Variants in MREG observed in about 807,000 individuals in gnomAD.
The protein encoded by MREG is melanoregulin, also known as dilute suppressor protein homolog.
MREG carries 31 observed loss-of-function variants against 28.5 expected under a neutral mutation model. The ratio of observed to expected loss-of-function variants is 1.09; its 90% CI spans 0.82 to 1.47. MREG has a LOEUF of 1.47. Ranked by LOEUF, MREG falls within the 40% of genes most tolerant of loss-of-function variation. The pLI, the probability that MREG is intolerant of heterozygous loss-of-function variation, is 0.00. For synonymous variants in MREG, 106 were observed against 95.2 expected, an observed-to-expected ratio of 1.11 and a Z score of -0.66; for missense variants, 256 against 257.4, an observed-to-expected ratio of 0.99 and a Z score of 0.04.
At chr2:216,001,131 C>G (rs1012158607) in intron 1 of MREG, among the ~76,000 whole-genome samples, 19 of 152,084 alleles carry the variant, frequency 1.2e-4, no homozygotes, top group Non-Finnish European at 2.4e-4. Flanking sequence ...CTCTCTTTTT[C>G]TCGCTTATCA....
At position 215,979,022 on chromosome 2, in the gene MREG, A is replaced by G. The variant is rs59062140; in HGVS notation, c.255+17284T>C. Among the ~76,000 whole-genome samples the G allele has an allele frequency of 2.6e-4, 39 of 152,350 alleles. No homozygotes were observed. The East Asian group carries it at 7.1e-3, about 28-fold the overall frequency. Reference sequence around the variant, plus strand: ...CGGGTAGAATTTGAGCTTCTGTTAAAGCATGCCCTGTGTATGACAATAGCC... The same window carrying G: ...CGGGTAGAATTTGAGCTTCTGTTAAGGCATGCCCTGTGTATGACAATAGCC... On this transcript the variant is annotated intron_variant, in intron 2 of 4. Coordinates refer to ENST00000263268, the MANE Select transcript of MREG (RefSeq NM_018000.3).
chr2:215,946,002 T>A (rs1489333325), intron 3 of MREG, among the ~76,000 whole-genome samples: 1 of 152,050 alleles, frequency 6.6e-6, no homozygotes, highest in Non-Finnish European at 1.5e-5. Context: ...ACTGGTTGCT[T>A]GCCACCTTGT....
At chr2:215,954,138 G>C (rs1349889839) in intron 2 of MREG, among the ~76,000 whole-genome samples, 5 of 152,160 alleles carry the variant, frequency 3.3e-5, no homozygotes, top group Admixed American at 3.3e-4. Context: ...CTATAACAAA[G>C]GAAAGAGGTG....
chr2:215,958,065 A>G (rs1172093234), intron 2 of MREG, among the ~76,000 whole-genome samples: 2 of 142,074 alleles, frequency 1.4e-5, no homozygotes, highest in East Asian at 2.3e-4. Flanking sequence ...ATGAGAACAC[A>G]TGGACACAGG....
At chr2:215,980,735 C>G (rs1693402857) in intron 2 of MREG, among the ~76,000 whole-genome samples, 1 of 152,028 alleles carries the variant, frequency 6.6e-6, no homozygotes, top group African/African-American at 2.4e-5. Flanking sequence ...TCACTTGAAC[C>G]CAGGAGGTGG....
intron 2 of MREG, among the ~76,000 whole-genome samples, chr2:215,976,203 G>A (rs572870159): frequency 1.3e-5 from 2 of 151,972 alleles, no homozygotes; most frequent in East Asian, 1.9e-4. Flanking sequence ...TGTTTCACTC[G>A]GACTACAATT....
chr2:215,956,428 C>T (rs1692629888), intron 2 of MREG, among the ~76,000 whole-genome samples: 2 of 151,986 alleles, frequency 1.3e-5, no homozygotes, highest in South Asian at 4.2e-4. Context: ...CCTTTAAATC[C>T]TTTTTGGGTT....
intron 1 of MREG, among the ~76,000 whole-genome samples, chr2:216,027,848 G>A (rs574506224): frequency 1.3e-5 from 2 of 148,810 alleles, no homozygotes; most frequent in East Asian, 4.0e-4. Flanking sequence ...GTGATAAAAA[G>A]TCATTCACAA....
intron 2 of MREG, among the ~76,000 whole-genome samples, chr2:215,985,974 A>G (rs1255514499): frequency 6.6e-6 from 1 of 152,182 alleles, no homozygotes; most frequent in East Asian, 1.9e-4. Flanking sequence ...AAAATAAGCA[A>G]TAGTAGTAAA....
intron 2 of MREG, among the ~76,000 whole-genome samples, chr2:215,982,455 C>A (rs531027510): frequency 6.6e-6 from 1 of 152,236 alleles, no homozygotes; most frequent in East Asian, 1.9e-4. Flanking sequence ...ACATCACAGA[C>A]CGATGAACAG....
intron 2 of MREG, among the ~76,000 whole-genome samples, 163 bp from the exon 3 acceptor site, chr2:215,947,276 A>G (rs1419946878): frequency 6.6e-6 from 1 of 152,256 alleles, no homozygotes; most frequent in Admixed American, 6.5e-5. Flanking sequence ...GTTGATAGGA[A>G]TACTATCAGC....
Position 216,010,020 on chromosome 2 carries a change from A to T in MREG, c.95+3213T>A, listed in dbSNP as rs187475095. Among the ~76,000 whole-genome samples, 3 of 152,240 alleles carry T rather than the reference A, an allele frequency of 2.0e-5. No individual in the cohort carries two copies. The East Asian group carries it at 5.8e-4, about 29-fold the overall frequency. Reference sequence around the variant, plus strand: ...CTAATCCCCAGTCACTATAATTATGACCTTATTTGAAAACAAGGTCTTTGC... The same window carrying T: ...CTAATCCCCAGTCACTATAATTATGTCCTTATTTGAAAACAAGGTCTTTGC... On this transcript the variant is annotated intron_variant, in intron 1 of 4. Coordinates refer to ENST00000263268, the MANE Select transcript of MREG (RefSeq NM_018000.3).
At chr2:216,011,199 A>T (rs1694299982) in intron 1 of MREG, among the ~76,000 whole-genome samples, 1 of 152,212 alleles carries the variant, frequency 6.6e-6, no homozygotes, top group Non-Finnish European at 1.5e-5. Context: ...AACTAAAAAA[A>T]AGTTTTCAGA....
chr2:215,996,564 ATG>A (rs762346647), intron 1 of MREG, 99 bp from the exon 2 acceptor site: 2 of 786,458 alleles, frequency 2.5e-6, no homozygotes, highest in Non-Finnish European at 4.0e-6. Context: ...AACTTATACT[ATG>A]TAATATATAA....
intron 2 of MREG, among the ~76,000 whole-genome samples, chr2:215,978,531 T>C (rs920689376): frequency 6.6e-6 from 1 of 152,368 alleles, no homozygotes; most frequent in Middle Eastern, 3.4e-3. Flanking sequence ...TAACTCGTTT[T>C]ATGAGGCCAG....
chr2:215,982,617 A>G (rs949667528), intron 2 of MREG, among the ~76,000 whole-genome samples: 1 of 152,124 alleles, frequency 6.6e-6, no homozygotes, highest in African/African-American at 2.4e-5. Flanking sequence ...CATAGACCGG[A>G]GTGTCTACTC....
At chr2:216,029,172 A>C (rs1694641781) in intron 1 of MREG, among the ~76,000 whole-genome samples, 1 of 152,244 alleles carries the variant, frequency 6.6e-6, no homozygotes, top group African/African-American at 2.4e-5. Context: ...GCTTGATGGC[A>C]GCAGATGTAA....
At chr2:215,977,155 C>T (rs1340321153) in intron 2 of MREG, among the ~76,000 whole-genome samples, 2 of 152,178 alleles carry the variant, frequency 1.3e-5, no homozygotes, top group Non-Finnish European at 2.9e-5. Flanking sequence ...CAGAGACACA[C>T]ATAGGCTCAA....
intron 1 of MREG, among the ~76,000 whole-genome samples, chr2:216,011,028 G>A (rs547031999): frequency 4.1e-4 from 61 of 150,324 alleles, no homozygotes; most frequent in African/African-American, 1.4e-3. Flanking sequence ...CCTGGGAGGC[G>A]GAGCTTGCAG....
Sources: gnomAD v4.1 joint callset for allele counts (sites outside exome capture counted in the v4.1 genomes callset) on GRCh38, gnomAD v4.1.1 for gene constraint, MANE v1.5 for transcripts, NCBI Gene and HGNC (gene_info 2026-07-23, HGNC 2026-07-21) for gene names.